Variants in POU6F2 observed in about 807,000 individuals in gnomAD.
The protein encoded by POU6F2 is POU class 6 homeobox 2.
POU6F2 carries 31 observed loss-of-function variants against 71.3 expected under a neutral mutation model. That is an observed-to-expected ratio of 0.43 (90% CI 0.33 to 0.59). The LOEUF (loss-of-function observed/expected upper bound fraction) is 0.59. POU6F2 is among the 20% of genes least tolerant of loss of function. The pLI is 0.04. For synonymous variants in POU6F2, 347 were observed against 355.7 expected, an observed-to-expected ratio of 0.98 and a Z score of 0.27; for missense variants, 783 against 856.8, an observed-to-expected ratio of 0.91 and a Z score of 1.07.
At chr7:39,204,907 T>C (rs1264901599) in intron 3 of POU6F2, among the ~76,000 whole-genome samples, 1 of 152,000 alleles carries the variant, frequency 6.6e-6, no homozygotes, top group Admixed American at 6.6e-5. Flanking sequence ...TGGGCTTTTT[T>C]TTTTTTTTTT....
intron 4 of POU6F2, among the ~76,000 whole-genome samples, chr7:39,296,331 T>C (rs1784843060): frequency 6.6e-6 from 1 of 152,220 alleles, no homozygotes; most frequent in Admixed American, 6.5e-5. Flanking sequence ...TTGCCTTCCC[T>C]ACTAAGTATC....
At chr7:39,414,641 C>G (rs577289805) in intron 6 of POU6F2, among the ~76,000 whole-genome samples, 58 of 152,230 alleles carry the variant, frequency 3.8e-4, no homozygotes, top group Non-Finnish European at 6.0e-4. Flanking sequence ...GCAGAAGCGC[C>G]GGGCTGTGCG....
At chr7:39,276,335 A>G (rs187283409) in intron 4 of POU6F2, among the ~76,000 whole-genome samples, 18 of 152,366 alleles carry the variant, frequency 1.2e-4, no homozygotes, top group African/African-American at 3.8e-4. Context: ...AGAAATGCAA[A>G]TCAAAACCAC....
intron 5 of POU6F2, among the ~76,000 whole-genome samples, chr7:39,400,108 G>A (rs1392962850): frequency 1.3e-5 from 2 of 152,090 alleles, no homozygotes; most frequent in Non-Finnish European, 2.9e-5. Context: ...TCGGGAGTGG[G>A]GCTGCAAGTT....
chr7:39,295,676 GTAGTCCTGTGTGTTGT>G (rs1321495504), intron 4 of POU6F2, among the ~76,000 whole-genome samples: 2 of 152,196 alleles, frequency 1.3e-5, no homozygotes, highest in African/African-American at 4.8e-5. Context: ...TTTAGATAGA[GTAGTCCTGTGTGTTGT>G]TATATCTTGA....
intron 4 of POU6F2, among the ~76,000 whole-genome samples, chr7:39,210,102 T>G (rs1794108348): frequency 6.6e-6 from 1 of 152,216 alleles, no homozygotes; most frequent in African/African-American, 2.4e-5. Context: ...TTTCAGAGTC[T>G]TTAAAAACAA....
intron 4 of POU6F2, among the ~76,000 whole-genome samples, chr7:39,227,799 T>C (rs10241425): frequency 0.56 from 85,169 of 151,896 alleles, 24,524 homozygotes; most frequent in East Asian, 0.89. Flanking sequence ...CCTCATGATC[T>C]GCCTGCCTCG....
At chr7:39,272,015 G>A (rs960980663) in intron 4 of POU6F2, among the ~76,000 whole-genome samples, 2 of 151,990 alleles carry the variant, frequency 1.3e-5, no homozygotes, top group South Asian at 4.2e-4. Flanking sequence ...GGGGGTTGTT[G>A]TTAGATCAGA....
intron 2 of POU6F2, among the ~76,000 whole-genome samples, chr7:39,107,284 A>G (rs533512314): frequency 2.0e-5 from 3 of 151,896 alleles, no homozygotes; most frequent in South Asian, 2.1e-4. Flanking sequence ...GGCTCAAATG[A>G]TCCTCCCACC....
chr7:39,063,319 G>A (rs1243032136), intron 1 of POU6F2, among the ~76,000 whole-genome samples: 3 of 152,076 alleles, frequency 2.0e-5, no homozygotes, highest in Non-Finnish European at 4.4e-5. Flanking sequence ...GATCAGCTTG[G>A]GCAACAATTA....
chr7:39,286,177 C>T (rs775874353), intron 4 of POU6F2, among the ~76,000 whole-genome samples: 3 of 152,098 alleles, frequency 2.0e-5, no homozygotes, highest in Non-Finnish European at 2.9e-5. Context: ...ATGATTTATA[C>T]GGTCATACAT....
chr7:39,205,813 C>A (rs897575791), intron 3 of POU6F2, among the ~76,000 whole-genome samples: 1 of 152,156 alleles, frequency 6.6e-6, no homozygotes, highest in African/African-American at 2.4e-5. Flanking sequence ...AGAGTCTCCC[C>A]CAAAGGGTCC....
chr7:39,373,564 G>A (rs1460867623), intron 5 of POU6F2: 1 of 456,380 alleles, frequency 2.2e-6, no homozygotes, highest in African/African-American at 2.0e-5. Context: ...TCAGAACCAA[G>A]CACACAGAAA....
intron 1 of POU6F2, among the ~76,000 whole-genome samples, chr7:39,017,619 C>T (rs985699025): frequency 6.6e-6 from 1 of 152,144 alleles, no homozygotes; most frequent in African/African-American, 2.4e-5. Context: ...TCTGCCTCTC[C>T]TACCTCATCT....
At chr7:39,113,835 T>C (rs1791873319) in intron 2 of POU6F2, among the ~76,000 whole-genome samples, 1 of 152,146 alleles carries the variant, frequency 6.6e-6, no homozygotes, top group African/African-American at 2.4e-5. Context: ...TCCAACATGG[T>C]GCATTGCTCT....
intron 4 of POU6F2, among the ~76,000 whole-genome samples, chr7:39,290,699 T>C (rs34074172): frequency 0.46 from 69,995 of 152,070 alleles, 16,920 homozygotes; most frequent in Admixed American, 0.59. Flanking sequence ...AATCCAGCTA[T>C]GCCCTCTCTT....
Position 39,060,577 on chromosome 7 carries a change from A to C in POU6F2, c.106-25283A>C, listed in dbSNP as rs113411652. 3.7e-3 allele frequency among the ~76,000 whole-genome samples: 559 copies of C among 152,350 alleles called. 6 individuals carry two copies. Among genetic ancestry groups the C allele is most frequent in the African/African-American group, 0.013 (539 of 41,594 alleles). ...CAGTCCACCTATGTATTGTCCGAGT[A>C]TGAGAGAAACGTTCACTACCTTCAA... On this transcript the variant is annotated intron_variant, in intron 1 of 9. Transcript: ENST00000518318.
chr7:39,247,442 C>T (rs1271625023), intron 4 of POU6F2, among the ~76,000 whole-genome samples: 1 of 151,764 alleles, frequency 6.6e-6, no homozygotes, highest in African/African-American at 2.4e-5. Context: ...CAGAGTGAGA[C>T]TCTGTCTCAA....
chr7:39,194,570 GTGGACCAATCAGCGCTCTGTAAAA>G (rs1793741616), intron 2 of POU6F2, among the ~76,000 whole-genome samples: 2 of 14,072 alleles, frequency 1.4e-4, no homozygotes, highest in Non-Finnish European at 2.2e-4. Flanking sequence ...GCTCTGTAAA[GTGGACCAATCAGCGCTCTGTAAAA>G]TGGACCAATC....
Sources: allele counts gnomAD v4.1 joint callset (sites outside exome capture counted in the v4.1 genomes callset), GRCh38; gene constraint gnomAD v4.1.1; transcripts MANE v1.5; gene names NCBI Gene and HGNC (gene_info 2026-07-23, HGNC 2026-07-21).